PPFIA2: variants seen among roughly 807,000 people sequenced by gnomAD.
PPFIA2 encodes the protein liprin-alpha-2.
In PPFIA2, 46 loss-of-function variants were observed where a neutral mutation model predicts 175.5. That is an observed-to-expected ratio of 0.26 (90% confidence interval 0.21 to 0.34). The LOEUF (loss-of-function observed/expected upper bound fraction) is 0.34. Among genes scored for constraint, PPFIA2 ranks in the 10% least tolerant of loss-of-function variants. The pLI is 1.00. For synonymous variants in PPFIA2, 568 were observed against 511.4 expected (o/e 1.11, Z -1.49); for missense variants, 1,179 against 1,506.1 (o/e 0.78, Z 3.60).
At position 81,325,834 on chromosome 12, in the gene PPFIA2, G is replaced by C; in HGVS notation, c.2585C>G (p.Ser862Cys). ...AGTTCCGAGTTTGCCTAACCCCAGGGACTCCTGAGCTGCAGCTTCAGTCTC... is the reference window on the plus strand; with the variant it reads ...AGTTCCGAGTTTGCCTAACCCCAGGCACTCCTGAGCTGCAGCTTCAGTCTC... ...FMETEAAAQE[S>C]LGLGKLGTQA... is the part of the protein sequence containing the mutation. Residue 862 changes from serine (S) to cysteine (C), a missense_variant, in exon 22 of 33, where the codon TCC becomes TGC. By Grantham distance (112) the Ser-to-Cys change is moderately radical. This residue lies in a region of PPFIA2 where 223 missense variants were observed against 241.6 expected (regional missense o/e 0.92). Transcript: ENST00000549396. 2 of 1,612,674 alleles carry C rather than the reference G, an allele frequency of 1.2e-6. No homozygotes were observed. The highest frequency in any genetic ancestry group is 1.1e-5 in the South Asian group (1 of 91,030).
intron 4 of PPFIA2, among the ~76,000 whole-genome samples, chr12:81,585,123 A>G (rs2075129205): frequency 7.1e-6 from 1 of 140,122 alleles, no homozygotes; most frequent in South Asian, 2.1e-4. Context: ...TATATAGCAT[A>G]AAATAATAAA....
At chr12:81,552,274 G>C (rs557397994) in intron 4 of PPFIA2, among the ~76,000 whole-genome samples, 3 of 151,844 alleles carry the variant, frequency 2.0e-5, no homozygotes, top group African/African-American at 7.2e-5. Flanking sequence ...CTATGCAGGA[G>C]GAGAAAGTAA....
At chr12:81,688,821 A>ATATATC (rs1555605919) in intron 3 of PPFIA2, among the ~76,000 whole-genome samples, 1 of 147,458 alleles carries the variant, frequency 6.8e-6, no homozygotes, top group African/African-American at 2.5e-5. Flanking sequence ...ATATATATAT[A>ATATATC]TATCTGCTTT....
rs1333564097 is a variant in PPFIA2, at chr12:81,683,347, AT to A, written c.250-6504del. Among the ~76,000 whole-genome samples the A allele has an allele frequency of 3.1e-3, 107 of 34,888 alleles. No individual in the cohort carries two copies. The East Asian group carries it at 0.13, about 42-fold the overall frequency. 22.9% of individuals were successfully genotyped at this position (34,888 alleles called of 152,430 possible). On this transcript the variant is annotated intron_variant, in intron 3 of 32. Coordinates refer to ENST00000549396, the MANE Select transcript of PPFIA2 (RefSeq NM_003625.5). ...ATATCTATCACATAAACTGAAAAAA[AT>A]AATATATATATATATATAGCTTTCT...
At chr12:81,325,683 C>A in intron 22 of PPFIA2, 94 bp downstream of exon 22, 1 of 915,374 alleles carries the variant, frequency 1.1e-6, no homozygotes, top group South Asian at 1.5e-5. Flanking sequence ...CAATATAGTT[C>A]TTTTGTTTCC....
intron 7 of PPFIA2, among the ~76,000 whole-genome samples, chr12:81,421,804 A>G (rs2046289844): frequency 3.3e-5 from 5 of 152,004 alleles, no homozygotes. Context: ...ATTTTTCATA[A>G]GACACTCATT....
intron 4 of PPFIA2, among the ~76,000 whole-genome samples, chr12:81,545,067 T>C (rs1050681855): frequency 6.6e-6 from 1 of 152,074 alleles, no homozygotes; most frequent in Non-Finnish European, 1.5e-5. Flanking sequence ...ATGTTTCTTA[T>C]GGCTTCACAG....
At chr12:81,535,551 A>G (rs2065250806) in intron 4 of PPFIA2, 4 of 442,016 alleles carry the variant, frequency 9.0e-6, no homozygotes, top group South Asian at 3.2e-5. Flanking sequence ...ACAAAAATAC[A>G]TACATTTCTC....
At chr12:81,351,134 G>T (rs1263329582) in intron 17 of PPFIA2, among the ~76,000 whole-genome samples, 1 of 152,074 alleles carries the variant, frequency 6.6e-6, no homozygotes, top group Admixed American at 6.6e-5. Context: ...TATTTGAAAT[G>T]TTAATTTGTC....
chr12:81,544,701 A>G (rs904332286), intron 4 of PPFIA2, among the ~76,000 whole-genome samples: 4 of 152,136 alleles, frequency 2.6e-5, no homozygotes, highest in African/African-American at 9.7e-5. Flanking sequence ...TTTGAATATT[A>G]TCTCTTAGGA....
chr12:81,575,301 T>C (rs2073315164), intron 4 of PPFIA2, among the ~76,000 whole-genome samples: 1 of 151,866 alleles, frequency 6.6e-6, no homozygotes, highest in South Asian at 2.1e-4. Flanking sequence ...TTCTCACCAC[T>C]CCTCTCATCA....
intron 8 of PPFIA2, among the ~76,000 whole-genome samples, chr12:81,396,100 A>G (rs989126195): frequency 1.1e-4 from 16 of 152,170 alleles, no homozygotes; most frequent in South Asian, 1.0e-3. Flanking sequence ...GAAAAATGGA[A>G]TTTGAAAAGT....
intron 4 of PPFIA2, among the ~76,000 whole-genome samples, chr12:81,462,969 G>GT (rs2054918959): frequency 6.6e-6 from 1 of 151,962 alleles, no homozygotes; most frequent in Non-Finnish European, 1.5e-5. Flanking sequence ...TGCTTAAAGT[G>GT]AAAGTATGTG....
In PPFIA2 at chr12:81,345,378, CT is replaced by C. The variant is rs569314281; in HGVS notation, c.2233-686del. Among the ~76,000 whole-genome samples the C allele has an allele frequency of 8.6e-4, 131 of 151,670 alleles. 1 individual carries two copies. The highest frequency in any genetic ancestry group is 2.2e-3 in the African/African-American group (90 of 41,380). ...TATTTCTTTACTCTTCTAAAAATGC[CT>C]TTTTTTTCAGTACTCTAATTATAAT... On this transcript the variant is annotated intron_variant, in intron 18 of 32. Coordinates refer to ENST00000549396, the MANE Select transcript of PPFIA2 (RefSeq NM_003625.5).
At chr12:81,358,733 AT>A (rs1285038683) in intron 15 of PPFIA2, among the ~76,000 whole-genome samples, 1 of 152,096 alleles carries the variant, frequency 6.6e-6, no homozygotes, top group Non-Finnish European at 1.5e-5. Flanking sequence ...CTATTTTTCA[AT>A]TTAGAGAATC....
At chr12:81,743,183 C>T (rs900344031) in intron 3 of PPFIA2, among the ~76,000 whole-genome samples, 41 of 151,658 alleles carry the variant, frequency 2.7e-4, no homozygotes, top group Admixed American at 2.6e-3. Flanking sequence ...TTTTGGGAGG[C>T]CAAGGTGGGT....
intron 4 of PPFIA2, among the ~76,000 whole-genome samples, chr12:81,458,736 C>G (rs1232520610): frequency 2.6e-5 from 4 of 151,830 alleles, no homozygotes; most frequent in African/African-American, 9.7e-5. Flanking sequence ...AATAAGAAGA[C>G]CAAAAAATGC....
At chr12:81,419,273 A>G (rs1227355941) in intron 7 of PPFIA2, among the ~76,000 whole-genome samples, 2 of 151,978 alleles carry the variant, frequency 1.3e-5, no homozygotes, top group African/African-American at 2.4e-5. Context: ...CTCTGCCTCA[A>G]TTTTCCTATC....
At chr12:81,287,964 C>T (rs2137383136) in intron 24 of PPFIA2, among the ~76,000 whole-genome samples, 1 of 151,968 alleles carries the variant, frequency 6.6e-6, no homozygotes, top group African/African-American at 2.4e-5. Flanking sequence ...GTCTGTGCTG[C>T]AATCTCCCCC....
Sources: gnomAD v4.1 joint callset for allele counts (sites outside exome capture counted in the v4.1 genomes callset) on GRCh38, gnomAD v4.1.1 for gene constraint, gnomAD v4.1.1 regional missense constraint, MANE v1.5 for transcripts, NCBI Gene and HGNC (gene_info 2026-07-23, HGNC 2026-07-21) for gene names.